Variants in PKD1L3 observed in about 807,000 individuals in gnomAD.
PKD1L3 encodes polycystin-1-like protein 3.
Under a neutral mutation model 184.1 loss-of-function variants are expected in PKD1L3, and 239 were observed. The ratio of observed to expected loss-of-function variants is 1.30; its 90% CI spans 1.17 to 1.45. The LOEUF is 1.45. PKD1L3 is among the 40% of genes most tolerant of loss of function. PKD1L3 has a pLI of 0.00. For synonymous variants in PKD1L3, 996 were observed against 778.8 expected, an observed-to-expected ratio of 1.28 and a Z score of -4.64; for missense variants, 2,660 against 2,067.2, an observed-to-expected ratio of 1.29 and a Z score of -5.56.
At chr16:71,929,940 G>T (rs368981048) in intron 29 of PKD1L3, 112 bp downstream of exon 29, 11 of 1,270,012 alleles carry the variant, frequency 8.7e-6, no homozygotes, top group East Asian at 5.1e-5. Context: ...ACTAATAAAG[G>T]GAATATGATA....
intron 16 of PKD1L3, among the ~76,000 whole-genome samples, chr16:71,958,931 C>T (rs992584420): frequency 3.4e-5 from 5 of 147,724 alleles, no homozygotes; most frequent in Non-Finnish European, 4.5e-5. Context: ...TAATAAAATA[C>T]AAAAAATTAG....
intron 21 of PKD1L3, among the ~76,000 whole-genome samples, chr16:71,948,769 G>A (rs1247785968): frequency 9.1e-6 from 1 of 109,744 alleles, no homozygotes; most frequent in Non-Finnish European, 1.7e-5. Context: ...TACAGGTTTT[G>A]CTTTAAAAAA....
At chr16:71,963,962 T>A (rs144966101) in intron 15 of PKD1L3, among the ~76,000 whole-genome samples, 12 of 152,220 alleles carry the variant, frequency 7.9e-5, no homozygotes, top group African/African-American at 2.6e-4. Context: ...TTTTCAAATA[T>A]CCCATCTGCC....
At chr16:71,935,916 C>G (rs972375882) in intron 25 of PKD1L3, among the ~76,000 whole-genome samples, 2 of 152,092 alleles carry the variant, frequency 1.3e-5, no homozygotes, top group Non-Finnish European at 2.9e-5. Flanking sequence ...CTACCTCAGC[C>G]TCCCAAGTAG....
chr16:71,933,851 G>A (rs979532681), intron 27 of PKD1L3, 64 bp downstream of exon 27: 16 of 1,511,450 alleles, frequency 1.1e-5, no homozygotes, highest in Non-Finnish European at 1.4e-5. Flanking sequence ...CATTTCTATG[G>A]GAAGCGATGC....
Position 71,965,161 on chromosome 16 carries a change from T to G in PKD1L3, c.2466-1810A>C, listed in dbSNP as rs545089506. On this transcript the variant is annotated intron_variant, in intron 15 of 29. Coordinates refer to ENST00000620267, the MANE Select transcript of PKD1L3 (RefSeq NM_181536.2). Reference sequence around the variant, plus strand: ...CTGTGTCTGGCCTATACATTCTTTATGTACAGCTTCTTTCACTAAGCATAA... The same window carrying G: ...CTGTGTCTGGCCTATACATTCTTTAGGTACAGCTTCTTTCACTAAGCATAA... 2.6e-5 allele frequency among the ~76,000 whole-genome samples: 4 copies of G among 152,302 alleles called. No individual in the cohort carries two copies. In the East Asian group the frequency reaches 7.7e-4, roughly 29 times the overall value.
intron 27 of PKD1L3, 92 bp downstream of exon 27, chr16:71,933,823 G>C: frequency 2.2e-6 from 3 of 1,376,372 alleles, no homozygotes; most frequent in Non-Finnish European, 2.0e-6. Context: ...GTACCACCTC[G>C]GGTTTCTGTG....
chr16:71,978,462 T>C (rs1225853133), intron 9 of PKD1L3, 79 bp from the exon 10 acceptor site: 4 of 938,516 alleles, frequency 4.3e-6, no homozygotes, highest in South Asian at 3.4e-5. Context: ...ATATCATATA[T>C]ACATATGTAT....
At chr16:71,995,252 G>T (rs976621216) in intron 2 of PKD1L3, among the ~76,000 whole-genome samples, 1 of 144,792 alleles carries the variant, frequency 6.9e-6, no homozygotes, top group Admixed American at 6.7e-5. Context: ...CAAGGGAGGA[G>T]CCCTGTAGGC....
intron 12 of PKD1L3, among the ~76,000 whole-genome samples, chr16:71,972,441 C>T (rs1341640963): frequency 6.6e-6 from 1 of 151,914 alleles, no homozygotes; most frequent in African/African-American, 2.4e-5. Flanking sequence ...CTTCTGGCCT[C>T]CCAAAGTGCA....
chr16:71,990,071 C>T lies in PKD1L3; in HGVS notation c.585+209G>A, dbSNP rs189169294. Among the ~76,000 whole-genome samples the T allele has an allele frequency of 3.0e-5, 4 of 134,278 alleles. No individual in the cohort carries two copies. In the Admixed American group the frequency reaches 3.0e-4, roughly 10 times the overall value. The allele number at this position is 134,278 out of a possible 152,430, so 88.1% of individuals were successfully genotyped here. A position where few individuals can be genotyped will look rare whatever the true frequency, so the allele number is the denominator to read the frequency against. On this transcript the variant is annotated intron_variant, in intron 4 of 29. Coordinates refer to ENST00000620267, the MANE Select transcript of PKD1L3 (RefSeq NM_181536.2). ...TCCAGCCTGGGTGACAAAGTGAGACCCTGTCTCTCCCACCAAAAAAAAAAA... is the reference window on the plus strand; with the variant it reads ...TCCAGCCTGGGTGACAAAGTGAGACTCTGTCTCTCCCACCAAAAAAAAAAA...
chr16:71,977,201 T>C (rs982253855), intron 11 of PKD1L3, 35 bp downstream of exon 11: 7 of 1,440,346 alleles, frequency 4.9e-6, no homozygotes, highest in African/African-American at 1.4e-5. Context: ...CAAAAAGAAA[T>C]CAAAGTAAGT....
rs1038927096 is a variant in PKD1L3, at chr16:71,937,310, A to T, written c.4434T>A (p.Cys1478Ter). 2.6e-6 allele frequency: 4 copies of T among 1,551,412 alleles called. No homozygotes were observed. The African/African-American group carries it at 4.1e-5, about 16-fold the overall frequency. The change falls in exon 25 of 30, where the codon TGT becomes TGA. Residue 1478 changes from cysteine to a stop codon, truncating the protein, a stop_gained. Coordinates refer to ENST00000620267, the MANE Select transcript of PKD1L3 (RefSeq NM_181536.2). LOFTEE classifies it high-confidence loss of function. ...GACTCACCTGTATGAAGGCATAGTA[A>T]CAGACCAGTAGATAATAGATGACTT... ...ISQVIYYLLV[C>*]YYAFIQGCQL... is the part of the protein sequence containing the mutation.
At position 71,961,818 on chromosome 16, in the gene PKD1L3, T is replaced by C. The variant is rs552087713; in HGVS notation, c.2612+1387A>G. Among the ~76,000 whole-genome samples the C allele has an allele frequency of 1.2e-4, 18 of 152,332 alleles. 1 individual carries two copies. The highest frequency in any genetic ancestry group is 2.2e-4 in the African/African-American group (9 of 41,586). ...TCAGTTTTGGGAGTAATTTCTTATA[T>C]GCCGCAATTGTAATTGGAGCAGATC... On this transcript the variant is annotated intron_variant, in intron 16 of 29. Coordinates refer to ENST00000620267, the MANE Select transcript of PKD1L3 (RefSeq NM_181536.2).
chr16:71,989,688 C>T (rs2143833016), intron 4 of PKD1L3, among the ~76,000 whole-genome samples: 1 of 152,258 alleles, frequency 6.6e-6, no homozygotes, highest in Non-Finnish European at 1.5e-5. Context: ...TTGTAAGATG[C>T]CACAAGTCCT....
chr16:71,949,862 C>T lies in PKD1L3; in HGVS notation c.3539G>A (p.Ser1180Asn). Residue 1180 changes from serine (S) to asparagine (N), a missense_variant, in exon 21 of 30, where the codon AGC becomes AAC. Physicochemically the swap from Ser to Asn is conservative, Grantham distance 46. Coordinates refer to ENST00000620267, the MANE Select transcript of PKD1L3 (RefSeq NM_181536.2). ...FFTALYSLEL[S>N]KDQATSWMIS... ...CATCCAGCTGGTGGCTTGGTCTTTGCTCAATTCCAAGCTATAAAGTGCTGT... is the reference window on the plus strand; with the variant it reads ...CATCCAGCTGGTGGCTTGGTCTTTGTTCAATTCCAAGCTATAAAGTGCTGT... 1 of 1,551,554 alleles carries T rather than the reference C, an allele frequency of 6.4e-7. No individual in the cohort carries two copies. Among genetic ancestry groups the T allele is most frequent in the Non-Finnish European group, 8.7e-7 (1 of 1,146,986 alleles).
At chr16:71,972,131 G>A (rs979473587) in intron 12 of PKD1L3, among the ~76,000 whole-genome samples, 1 of 152,052 alleles carries the variant, frequency 6.6e-6, no homozygotes, top group Non-Finnish European at 1.5e-5. Flanking sequence ...CAGGAGAATG[G>A]CATGAACCTG....
chr16:71,986,497 A>T, intron 4 of PKD1L3, 28 bp from the exon 5 acceptor site: 1 of 1,536,100 alleles, frequency 6.5e-7, no homozygotes, highest in Admixed American at 2.0e-5. Context: ...GTAAAGGAAA[A>T]GACTGAATCT....
rs139858219 is a variant in PKD1L3 at position 71,972,717 on chromosome 16, C to G, written c.1953+607G>C. On this transcript the variant is annotated intron_variant, in intron 12 of 29. Transcript: ENST00000620267. ...AAGAAAATTATCTTTCCTTCTCTTT[C>G]CAATCTAGATGGCACTTTCTCAGCT... Among the ~76,000 whole-genome samples, 103 of 152,254 alleles carry G rather than the reference C, an allele frequency of 6.8e-4. No homozygotes were observed. The East Asian group carries it at 0.018, about 26-fold the overall frequency.
Sources: gnomAD v4.1 joint callset for allele counts (sites outside exome capture counted in the v4.1 genomes callset) on GRCh38, gnomAD v4.1.1 for gene constraint, MANE v1.5 for transcripts, NCBI Gene and HGNC (gene_info 2026-07-23, HGNC 2026-07-21) for gene names.